The following PRPS2 variants were observed in gnomAD, a reference collection of about 807,000 sequenced individuals.
PRPS2 encodes ribose-phosphate pyrophosphokinase 2.
For synonymous variants in PRPS2, 111 were observed against 115.3 expected (o/e 0.96, Z 0.24); for missense variants, 104 against 271.5 (o/e 0.38, Z 4.34).
intron 4 of PRPS2, among the ~76,000 whole-genome samples, chrX:12,811,523 G>A (rs983421510): frequency 4.5e-5 from 5 of 111,717 alleles, no homozygotes; most frequent in African/African-American, 1.3e-4. Flanking sequence ...GCTGGGAAGG[G>A]AGTTTTATTG....
intron 1 of PRPS2, among the ~76,000 whole-genome samples, chrX:12,793,170 G>T (rs1174125376): frequency 8.9e-6 from 1 of 112,486 alleles, no homozygotes; most frequent in Non-Finnish European, 1.9e-5. Flanking sequence ...AATAGTTTTT[G>T]TTCAGAAGGT....
chrX:12,798,968 C>T (rs2042556807), intron 1 of PRPS2, among the ~76,000 whole-genome samples: 1 of 111,856 alleles, frequency 8.9e-6, no homozygotes, highest in Admixed American at 9.5e-5. Context: ...TCTGACTCCC[C>T]TCAGGGAGGA....
At chrX:12,804,076 G>A (rs2042582124) in intron 2 of PRPS2, among the ~76,000 whole-genome samples, 1 of 109,553 alleles carries the variant, frequency 9.1e-6, no homozygotes, top group Non-Finnish European at 1.9e-5. Flanking sequence ...AGACAATTTT[G>A]TTCTTTCCCC....
chrX:12,797,979 G>A (rs1192508704), intron 1 of PRPS2, among the ~76,000 whole-genome samples: 2 of 112,385 alleles, frequency 1.8e-5, no homozygotes, highest in Non-Finnish European at 3.8e-5. Context: ...CAGGAGAGGG[G>A]GCAGGGAATC....
intron 4 of PRPS2, among the ~76,000 whole-genome samples, chrX:12,817,650 C>T (rs780726383): frequency 2.7e-5 from 3 of 111,019 alleles, no homozygotes; most frequent in African/African-American, 9.8e-5. Flanking sequence ...TGGAACCAAC[C>T]TGAGTGGCCA....
At chrX:12,814,455 G>A (rs1330581028) in intron 4 of PRPS2, among the ~76,000 whole-genome samples, 3 of 112,382 alleles carry the variant, frequency 2.7e-5, no homozygotes, top group Admixed American at 9.4e-5. Context: ...ACAGCCTTGC[G>A]GGTAATACAT....
chrX:12,799,658 G>A (rs1255544128), intron 2 of PRPS2, among the ~76,000 whole-genome samples: 1 of 111,809 alleles, frequency 8.9e-6, no homozygotes, highest in Non-Finnish European at 1.9e-5. Context: ...ATGTCTTTGT[G>A]GTGGTGGATA....
At chrX:12,813,348 C>T in intron 4 of PRPS2, among the ~76,000 whole-genome samples, 1 of 111,817 alleles carries the variant, frequency 8.9e-6, no homozygotes, top group Middle Eastern at 4.6e-3. Context: ...TTTGTAGGTG[C>T]CGTTGTTTGC....
intron 5 of PRPS2, among the ~76,000 whole-genome samples, chrX:12,819,961 G>C (rs1044271802): frequency 1.8e-5 from 2 of 111,871 alleles, no homozygotes; most frequent in East Asian, 5.6e-4. Context: ...ATGGTTTTTC[G>C]GGCTTCTTCA....
At chrX:12,820,902 G>T in intron 6 of PRPS2, 99 bp downstream of exon 6, 1 of 946,888 alleles carries the variant, frequency 1.1e-6, no homozygotes, top group Non-Finnish European at 1.4e-6. Context: ...CCTTGCTAAG[G>T]CACATGCTTG....
intron 2 of PRPS2, among the ~76,000 whole-genome samples, chrX:12,808,242 C>T (rs1443569733): frequency 6.4e-5 from 7 of 110,080 alleles, no homozygotes; most frequent in Non-Finnish European, 1.1e-4. Context: ...AATCTGTTAA[C>T]ATTTTCAATG....
At chrX:12,815,657 T>A (rs7059902) in intron 4 of PRPS2, among the ~76,000 whole-genome samples, 20,581 of 110,810 alleles carry the variant, frequency 0.19, 1,526 homozygotes, top group East Asian at 0.35. Context: ...GTTTGTTTGT[T>A]TTTTGAGATG....
In PRPS2 at chrX:12,791,583, A is replaced by G. The variant is rs1266791368; in HGVS notation, c.86A>G (p.Lys29Arg). ...GACCGCCTGGGCCTGGAGCTGGGCA[A>G]GGTGGTCACGAAGAAGTTCAGCAAC... is the stretch of plus-strand genomic sequence containing the variant. ...VADRLGLELG[K>R]VVTKKFSNQE... is the part of the protein sequence containing the mutation. Residue 29 changes from lysine to arginine, a missense_variant, in exon 1 of 7, where the codon AAG becomes AGG. Physicochemically the swap from Lys to Arg is conservative, Grantham distance 26. Coordinates refer to ENST00000380668, the MANE Select transcript of PRPS2 (RefSeq NM_002765.5). 2 of 1,190,997 alleles carry G rather than the reference A, an allele frequency of 1.7e-6. No homozygotes were observed. The highest frequency in any genetic ancestry group is 2.2e-5 in the Admixed American group (1 of 44,698).
At chrX:12,797,187 C>T (rs1198075533) in intron 1 of PRPS2, among the ~76,000 whole-genome samples, 1 of 109,462 alleles carries the variant, frequency 9.1e-6, no homozygotes, top group African/African-American at 3.3e-5. Context: ...GCAAAACCTC[C>T]CTCCACTAAA....
At chrX:12,811,996 G>A (rs922177361) in intron 4 of PRPS2, among the ~76,000 whole-genome samples, 2 of 112,030 alleles carry the variant, frequency 1.8e-5, no homozygotes, top group Admixed American at 9.4e-5. Context: ...AAAGACCCTA[G>A]GTGGGCAGTC....
chrX:12,794,074 G>C (rs1448356897), intron 1 of PRPS2, among the ~76,000 whole-genome samples: 6 of 112,666 alleles, frequency 5.3e-5, no homozygotes, highest in Non-Finnish European at 1.1e-4. Context: ...CGGTTACCAT[G>C]TAATAAATAA....
chrX:12,815,169 G>T (rs1214633129), intron 4 of PRPS2, among the ~76,000 whole-genome samples: 1 of 111,705 alleles, frequency 9.0e-6, no homozygotes, highest in East Asian at 2.8e-4. Context: ...GTTTGCAGGG[G>T]TATTTTCTCT....
intron 3 of PRPS2, 102 bp from the exon 4 acceptor site, chrX:12,809,920 A>G: frequency 9.5e-7 from 1 of 1,047,232 alleles, no homozygotes; most frequent in Non-Finnish European, 1.2e-6. Context: ...TTTTGAACAA[A>G]AAATGCAAAT....
chrX:12,813,718 C>T (rs753711005), intron 4 of PRPS2, among the ~76,000 whole-genome samples: 10 of 111,589 alleles, frequency 9.0e-5, no homozygotes, highest in South Asian at 3.8e-4. Flanking sequence ...CTATTCAAAT[C>T]TTTTGCCTAT....
Sources: allele counts gnomAD v4.1 joint callset (sites outside exome capture counted in the v4.1 genomes callset), GRCh38; gene constraint gnomAD v4.1.1; transcripts MANE v1.5; gene names NCBI Gene and HGNC (gene_info 2026-07-23, HGNC 2026-07-21).